C10orf67: variants seen among roughly 807,000 people sequenced by gnomAD.
C10orf67 encodes the protein uncharacterized protein C10orf67, mitochondrial.
In C10orf67, 60 loss-of-function variants were observed where a neutral mutation model predicts 35.6. That is an observed-to-expected ratio of 1.68 (90% CI 1.37 to 2.09). The LOEUF (loss-of-function observed/expected upper bound fraction) is 2.09. Ranked by LOEUF, C10orf67 falls within the 30% of genes most tolerant of loss-of-function variation. The pLI is 0.00. For missense variants in C10orf67, 474 were observed against 330.2 expected, an observed-to-expected ratio of 1.44 and a Z score of -3.38; for synonymous variants, 167 against 115.8, an observed-to-expected ratio of 1.44 and a Z score of -2.84.
At chr10:23,226,877 A>G (rs1280206470) in intron 13 of C10orf67, among the ~76,000 whole-genome samples, 1 of 152,226 alleles carries the variant, frequency 6.6e-6, no homozygotes, top group African/African-American at 2.4e-5. Flanking sequence ...ACACCTTCCC[A>G]AGACTTAACC....
intron 13 of C10orf67, among the ~76,000 whole-genome samples, chr10:23,225,466 G>A (rs549122850): frequency 6.8e-4 from 103 of 152,178 alleles, no homozygotes; most frequent in African/African-American, 2.4e-3. Flanking sequence ...ATCAACCAAC[G>A]AGCAAAATAA....
chr10:23,336,621 T>C (rs759891146), intron 1 of C10orf67, among the ~76,000 whole-genome samples: 9 of 152,162 alleles, frequency 5.9e-5, no homozygotes, highest in Non-Finnish European at 1.0e-4. Context: ...TTCAAGTGAT[T>C]CTCACGCCTC....
At chr10:23,239,118 G>A (rs1842115251) in intron 13 of C10orf67, among the ~76,000 whole-genome samples, 1 of 152,110 alleles carries the variant, frequency 6.6e-6, no homozygotes, top group South Asian at 2.1e-4. Flanking sequence ...TAGCATCACA[G>A]CAGGTTCTCA....
Position 23,338,886 on chromosome 10 carries a change from G to T in C10orf67, c.206+5683C>A, listed in dbSNP as rs557991064. 4.6e-5 allele frequency among the ~76,000 whole-genome samples: 7 copies of T among 152,296 alleles called. No homozygotes were observed. The South Asian group carries it at 1.5e-3, about 32-fold the overall frequency. On this transcript the variant is annotated intron_variant, in intron 1 of 15. Transcript: ENST00000636213. Reference sequence around the variant, plus strand: ...AAAAAAATAAAATTAGCTGGGCATGGTGGCACACACCTGCACTGCCAGCAA... The same window carrying T: ...AAAAAAATAAAATTAGCTGGGCATGTTGGCACACACCTGCACTGCCAGCAA...
intron 4 of C10orf67, chr10:23,318,481 T>C (rs1844822267): frequency 1.8e-5 from 3 of 166,682 alleles, no homozygotes; most frequent in South Asian, 1.8e-4. Context: ...AAGACTTCTT[T>C]TGACGTTAAC....
intron 2 of C10orf67, among the ~76,000 whole-genome samples, chr10:23,327,972 T>C (rs1311844178): frequency 6.6e-6 from 1 of 152,024 alleles, no homozygotes; most frequent in African/African-American, 2.4e-5. Flanking sequence ...AAGTTAAAAA[T>C]CAGCAATATA....
At chr10:23,320,973 T>A (rs1844930598) in intron 3 of C10orf67, among the ~76,000 whole-genome samples, 158 bp from the exon 4 acceptor site, 1 of 152,250 alleles carries the variant, frequency 6.6e-6, no homozygotes, top group African/African-American at 2.4e-5. Context: ...GCAGCCGTTA[T>A]GACACATTTT....
chr10:23,283,063 T>A (rs113146714), intron 7 of C10orf67, among the ~76,000 whole-genome samples: 191 of 152,218 alleles, frequency 1.3e-3, no homozygotes, highest in African/African-American at 4.5e-3. Context: ...TAAAAGAGTA[T>A]AAATGGATTG....
intron 12 of C10orf67, among the ~76,000 whole-genome samples, chr10:23,242,109 TTACAGGTG>T (rs1842198736): frequency 6.6e-6 from 1 of 152,088 alleles, no homozygotes. Context: ...GTAGCTGGGA[TTACAGGTG>T]CCTGCCACCA....
At chr10:23,306,167 A>G (rs1844268468) in intron 4 of C10orf67, among the ~76,000 whole-genome samples, 1 of 152,176 alleles carries the variant, frequency 6.6e-6, no homozygotes, top group African/African-American at 2.4e-5. Context: ...ATAAAAAGGT[A>G]AATAGTGTAT....
chr10:23,228,999 G>C (rs1475435219), intron 13 of C10orf67, among the ~76,000 whole-genome samples: 1 of 152,154 alleles, frequency 6.6e-6, no homozygotes, highest in Non-Finnish European at 1.5e-5. Flanking sequence ...CAGTAAACTA[G>C]TTCAACCATT....
chr10:23,306,254 G>A (rs1033272241), intron 4 of C10orf67, among the ~76,000 whole-genome samples: 5 of 151,954 alleles, frequency 3.3e-5, no homozygotes, highest in Admixed American at 1.3e-4. Context: ...GGCTGGGCGC[G>A]GTGGCTCACG....
At chr10:23,320,285 G>A (rs1844893917) in intron 4 of C10orf67, among the ~76,000 whole-genome samples, 1 of 152,210 alleles carries the variant, frequency 6.6e-6, no homozygotes, top group Non-Finnish European at 1.5e-5. Flanking sequence ...AGTCTTTGCT[G>A]AGTCTAAGAA....
intron 13 of C10orf67, among the ~76,000 whole-genome samples, chr10:23,228,256 A>C (rs1240980907): frequency 6.6e-6 from 1 of 152,176 alleles, no homozygotes; most frequent in Non-Finnish European, 1.5e-5. Context: ...AGACCAATGG[A>C]ACAGAATAGA....
intron 1 of C10orf67, chr10:23,343,928 C>T: frequency 2.1e-6 from 1 of 467,028 alleles, no homozygotes; most frequent in South Asian, 1.6e-5. Flanking sequence ...TGGAATTGTT[C>T]AATAGAGGCC....
rs1194572088 is a variant in C10orf67, at chr10:23,320,754, T to G, written c.533A>C (p.Lys178Thr). ...ACAGAAACTCACCTGGTACATTCCT[T>G]TGATAACAGCTATGGCATCAGCTAA... Reference protein sequence around the residue: ...QQLADAIAVIKGMYQQFFEVE... With the variant: ...QQLADAIAVITGMYQQFFEVE... Residue 178 changes from lysine (K) to threonine (T), a missense_variant, in exon 4 of 16, where the codon AAA becomes ACA. Lys to Thr is a moderately conservative substitution (Grantham distance 78, BLOSUM62 -1). Transcript: ENST00000636213. 5.7e-6 allele frequency: 9 copies of G among 1,591,088 alleles called. No individual in the cohort carries two copies. Among genetic ancestry groups the G allele is most frequent in the Non-Finnish European group, 7.7e-6 (9 of 1,168,220 alleles).
chr10:23,215,671 A>T (rs1564456448), intron 15 of C10orf67, among the ~76,000 whole-genome samples: 1 of 152,140 alleles, frequency 6.6e-6, no homozygotes, highest in Non-Finnish European at 1.5e-5. Flanking sequence ...TTATATCCAA[A>T]CTACATAATG....
intron 15 of C10orf67, among the ~76,000 whole-genome samples, chr10:23,212,778 T>TGA (rs58972226): frequency 0.13 from 12,951 of 100,726 alleles, 1,037 homozygotes; most frequent in Non-Finnish European, 0.16. Context: ...AATATTGTAT[T>TGA]GAGAGAGAGA....
intron 9 of C10orf67, 124 bp from the exon 10 acceptor site, chr10:23,266,550 C>A: frequency 2.5e-6 from 1 of 396,142 alleles, no homozygotes; most frequent in African/African-American, 2.1e-5. Flanking sequence ...AGTCCTAGAG[C>A]GCATGGATTT....
Sources: allele counts gnomAD v4.1 joint callset (sites outside exome capture counted in the v4.1 genomes callset), GRCh38; gene constraint gnomAD v4.1.1; transcripts MANE v1.5; gene names NCBI Gene and HGNC (gene_info 2026-07-23, HGNC 2026-07-21).